SMIM35: variants seen among roughly 807,000 people sequenced by gnomAD.
The protein encoded by SMIM35 is TMPRSS4 antisense RNA 1 (non-protein coding).
At chr11:118,020,299 A>C (rs2058217496) in intron 1 of SMIM35, among the ~76,000 whole-genome samples, 1 of 152,138 alleles carries the variant, frequency 6.6e-6, no homozygotes, top group African/African-American at 2.4e-5. Context: ...TATATAAATA[A>C]ATCTTGATAG....
At position 118,078,598 on chromosome 11, in the gene SMIM35, G is replaced by A. The variant is rs955793564; in HGVS notation, c.7+8153C>T. On this transcript the variant is annotated intron_variant, in intron 1 of 4. Coordinates refer to ENST00000689828, the MANE Select transcript of SMIM35 (RefSeq NM_001394165.1). Reference sequence around the variant, plus strand: ...CAAAGTTTGGCCTGTGTGCAGAGACGCTGTATCCCCTGGGGCTCCCAGGAG... The same window carrying A: ...CAAAGTTTGGCCTGTGTGCAGAGACACTGTATCCCCTGGGGCTCCCAGGAG... Among the ~76,000 whole-genome samples the A allele has an allele frequency of 4.6e-5, 7 of 152,290 alleles. No homozygotes were observed. In the South Asian group the frequency reaches 8.3e-4, roughly 18 times the overall value.
chr11:118,006,805 G>C (rs762801796), intron 4 of SMIM35, among the ~76,000 whole-genome samples: 3 of 152,114 alleles, frequency 2.0e-5, no homozygotes, highest in Admixed American at 2.0e-4. Context: ...TATCATGCTG[G>C]ATCCCTTCCC....
chr11:118,071,566 G>C (rs1266458723), intron 1 of SMIM35, among the ~76,000 whole-genome samples: 1 of 152,178 alleles, frequency 6.6e-6, no homozygotes, highest in Non-Finnish European at 1.5e-5. Context: ...GCCAGCTCAT[G>C]CCCACCCACT....
At chr11:118,022,032 CT>C (rs761119844) in intron 1 of SMIM35, among the ~76,000 whole-genome samples, 11,811 of 120,528 alleles carry the variant, frequency 0.098, 642 homozygotes, top group African/African-American at 0.23. Context: ...AACAATAAGT[CT>C]TTTTTTTTTT....
intron 4 of SMIM35, among the ~76,000 whole-genome samples, chr11:118,008,166 G>C (rs1020234200): frequency 6.6e-6 from 1 of 152,138 alleles, no homozygotes; most frequent in Non-Finnish European, 1.5e-5. Flanking sequence ...CACCGTGCCC[G>C]GCCACACCTG....
intron 1 of SMIM35, among the ~76,000 whole-genome samples, chr11:118,072,708 G>A (rs1591312231): frequency 6.6e-6 from 1 of 152,224 alleles, no homozygotes; most frequent in East Asian, 1.9e-4. Context: ...AGCTTACTGT[G>A]ATGTGTGGAT....
intron 1 of SMIM35, among the ~76,000 whole-genome samples, chr11:118,062,220 C>T (rs930629618): frequency 1.3e-5 from 2 of 152,202 alleles, no homozygotes; most frequent in Non-Finnish European, 2.9e-5. Flanking sequence ...ATCCCAGCTA[C>T]TTGGGAGGCC....
At chr11:118,062,563 T>A (rs1944407255) in intron 1 of SMIM35, among the ~76,000 whole-genome samples, 1 of 152,110 alleles carries the variant, frequency 6.6e-6, no homozygotes, top group African/African-American at 2.4e-5. Flanking sequence ...TCTGGCTTCT[T>A]CCATTTGCAA....
At chr11:118,075,432 C>T (rs1436170469) in intron 1 of SMIM35, among the ~76,000 whole-genome samples, 2 of 152,254 alleles carry the variant, frequency 1.3e-5, no homozygotes, top group Non-Finnish European at 2.9e-5. Flanking sequence ...GCTCAGACAT[C>T]ACTGGGGTCC....
At chr11:118,029,792 C>T (rs903038769) in intron 1 of SMIM35, 1 of 457,172 alleles carries the variant, frequency 2.2e-6, no homozygotes, top group South Asian at 1.5e-5. Flanking sequence ...CTCCCCCAGG[C>T]TCTATGTTTT....
At chr11:118,035,473 A>G (rs2058352173) in intron 1 of SMIM35, among the ~76,000 whole-genome samples, 1 of 152,222 alleles carries the variant, frequency 6.6e-6, no homozygotes, top group Non-Finnish European at 1.5e-5. Flanking sequence ...AGGTATGTTC[A>G]ACAGATCAGC....
At chr11:118,018,712 G>A (rs954561782) in intron 1 of SMIM35, among the ~76,000 whole-genome samples, 12 of 152,200 alleles carry the variant, frequency 7.9e-5, no homozygotes, top group Admixed American at 1.3e-4. Flanking sequence ...TGAGGTGAGG[G>A]AAGGAGATGT....
chr11:118,071,496 C>T (rs1214544528), intron 1 of SMIM35, among the ~76,000 whole-genome samples: 2 of 152,174 alleles, frequency 1.3e-5, no homozygotes, highest in African/African-American at 4.8e-5. Context: ...GTAAAAAAGA[C>T]ACTGGGTTCC....
intron 1 of SMIM35, among the ~76,000 whole-genome samples, chr11:118,040,919 A>G (rs1943989606): frequency 6.6e-6 from 1 of 151,830 alleles, no homozygotes; most frequent in Non-Finnish European, 1.5e-5. Context: ...ACATTAATAG[A>G]TGTGACATAT....
intron 1 of SMIM35, among the ~76,000 whole-genome samples, chr11:118,080,949 C>T (rs1591331094): frequency 2.0e-5 from 3 of 152,204 alleles, no homozygotes; most frequent in Admixed American, 2.0e-4. Context: ...CTCCTCCAAA[C>T]CTAAAGTGCA....
intron 1 of SMIM35, among the ~76,000 whole-genome samples, chr11:118,080,381 CAA>C (rs1325420903): frequency 2.0e-5 from 3 of 152,168 alleles, no homozygotes; most frequent in East Asian, 1.9e-4. Context: ...GTGGCTGGAG[CAA>C]AGACTCCGGC....
intron 1 of SMIM35, among the ~76,000 whole-genome samples, chr11:118,051,012 G>A (rs1379741216): frequency 6.6e-6 from 1 of 152,176 alleles, no homozygotes; most frequent in African/African-American, 2.4e-5. Context: ...CTTTAGTAAA[G>A]CAGGAGAGAC....
At chr11:118,024,895 ATAGT>A (rs1366833201) in intron 1 of SMIM35, among the ~76,000 whole-genome samples, 5 of 152,178 alleles carry the variant, frequency 3.3e-5, no homozygotes, top group Admixed American at 6.5e-5. Context: ...ACTATTACCA[ATAGT>A]TAGTTCTTCA....
intron 1 of SMIM35, among the ~76,000 whole-genome samples, chr11:118,071,100 C>T (rs907811590): frequency 1.3e-5 from 2 of 152,238 alleles, no homozygotes. Context: ...TATATGGTAG[C>T]TATTTCCTTA....
Sources: allele counts gnomAD v4.1 joint callset (sites outside exome capture counted in the v4.1 genomes callset), GRCh38; gene constraint gnomAD v4.1.1; transcripts MANE v1.5; gene names NCBI Gene and HGNC (gene_info 2026-07-23, HGNC 2026-07-21).